Variants in DCC observed in about 807,000 individuals in gnomAD.
DCC encodes the protein DCC netrin 1 receptor, also known as netrin receptor DCC.
In DCC, 58 loss-of-function variants were observed where a neutral mutation model predicts 172.5. The observed-to-expected ratio is 0.34, with a 90% CI of 0.27 to 0.42. The LOEUF is 0.42. DCC is among the 10% of genes least tolerant of loss of function. The pLI is 1.00. For missense variants in DCC, 1,740 were observed against 1,791.0 expected, an observed-to-expected ratio of 0.97 and a Z score of 0.51; for synonymous variants, 709 against 644.5, an observed-to-expected ratio of 1.10 and a Z score of -1.52.
In DCC at chr18:52,770,107, T is replaced by G. The variant is rs140792254; in HGVS notation, c.412+17733T>G. 2.6e-3 allele frequency among the ~76,000 whole-genome samples: 392 copies of G among 152,356 alleles called. 1 individual carries two copies. The highest frequency in any genetic ancestry group is 0.014 in the Middle Eastern group (4 of 294). On this transcript the variant is annotated intron_variant, in intron 2 of 28. Coordinates refer to ENST00000442544, the MANE Select transcript of DCC (RefSeq NM_005215.4). ...TTTAGGATCAAATATAAACCTTTAG[T>G]GAAATATAAAGCCCTGTGGAATCTG...
At chr18:52,919,976 C>T (rs1005605163) in intron 3 of DCC, among the ~76,000 whole-genome samples, 3 of 146,024 alleles carry the variant, frequency 2.1e-5, no homozygotes, top group Non-Finnish European at 3.0e-5. Context: ...AGAAAAAAAT[C>T]GCCTTTTCAA....
In DCC at chr18:53,390,785, T is replaced by C. The variant is rs533388988; in HGVS notation, c.2456-870T>C. 2.7e-4 allele frequency among the ~76,000 whole-genome samples: 41 copies of C among 152,290 alleles called. No individual in the cohort carries two copies. In the Middle Eastern group the frequency reaches 0.01, roughly 38 times the overall value. On this transcript the variant is annotated intron_variant, in intron 16 of 28. Transcript: ENST00000442544. ...TATATTATGGATCAAAGCATGTATA[T>C]ACCTCAGTGCAAATCTCATAAGTCT...
chr18:52,860,912 A>AG (rs2039131874), intron 2 of DCC, among the ~76,000 whole-genome samples: 1 of 151,570 alleles, frequency 6.6e-6, no homozygotes, highest in African/African-American at 2.4e-5. Context: ...AGGCCGAGGC[A>AG]GGAGATATAC....
chr18:52,983,537 T>C (rs1462338902), intron 5 of DCC, among the ~76,000 whole-genome samples: 2 of 152,086 alleles, frequency 1.3e-5, no homozygotes, highest in African/African-American at 2.4e-5. Context: ...GAGAAGAGGG[T>C]CAGTTCCCTA....
chr18:52,606,327 A>T (rs969807690), intron 1 of DCC, among the ~76,000 whole-genome samples: 4 of 152,122 alleles, frequency 2.6e-5, no homozygotes, highest in Non-Finnish European at 5.9e-5. Flanking sequence ...AAACAACAAA[A>T]AACACCATAA....
intron 1 of DCC, among the ~76,000 whole-genome samples, chr18:52,366,821 C>G (rs969934223): frequency 2.0e-5 from 3 of 152,266 alleles, no homozygotes; most frequent in African/African-American, 7.2e-5. Context: ...CCACCAGACT[C>G]AGGAGCCCAG....
chr18:53,393,545 A>G (rs377055923), intron 17 of DCC, among the ~76,000 whole-genome samples: 102 of 152,338 alleles, frequency 6.7e-4, no homozygotes, highest in African/African-American at 2.3e-3. Flanking sequence ...GTCTCTTTTT[A>G]TATAGATTAC....
chr18:52,888,744 T>G (rs1305544047), intron 2 of DCC, among the ~76,000 whole-genome samples: 1 of 152,022 alleles, frequency 6.6e-6, no homozygotes, highest in South Asian at 2.1e-4. Flanking sequence ...AATTCACCAC[T>G]GGTTTTAATA....
At chr18:52,787,412 G>T (rs1568103276) in intron 2 of DCC, among the ~76,000 whole-genome samples, 1 of 151,544 alleles carries the variant, frequency 6.6e-6, no homozygotes. Flanking sequence ...AGTTTCCAGG[G>T]TAGTTAGTTA....
At chr18:52,750,114 G>A (rs62081898) in intron 1 of DCC, among the ~76,000 whole-genome samples, 2 of 152,058 alleles carry the variant, frequency 1.3e-5, no homozygotes, top group African/African-American at 2.4e-5. Context: ...CTTAGAGCAG[G>A]GTTCATTTGA....
At chr18:52,344,182 A>G (rs1047939807) in intron 1 of DCC, among the ~76,000 whole-genome samples, 3 of 152,226 alleles carry the variant, frequency 2.0e-5, no homozygotes, top group African/African-American at 4.8e-5. Context: ...ACCTCTTAGC[A>G]AACTTCCTTA....
At chr18:53,514,232 A>C (rs560003697) in intron 27 of DCC, among the ~76,000 whole-genome samples, 20 of 152,262 alleles carry the variant, frequency 1.3e-4, no homozygotes, top group African/African-American at 4.8e-4. Context: ...AGGCAGAAAT[A>C]AAGATGTTCT....
intron 12 of DCC, among the ~76,000 whole-genome samples, chr18:53,300,513 G>A (rs914448311): frequency 1.3e-5 from 2 of 152,104 alleles, no homozygotes; most frequent in Non-Finnish European, 2.9e-5. Flanking sequence ...GCTGCGATCT[G>A]CCTTATTTCT....
chr18:53,167,859 C>A (rs896628272), intron 8 of DCC, among the ~76,000 whole-genome samples: 18 of 152,132 alleles, frequency 1.2e-4, no homozygotes, highest in African/African-American at 3.6e-4. Flanking sequence ...TACGAAGTTT[C>A]AGCTAAACAT....
intron 15 of DCC, among the ~76,000 whole-genome samples, chr18:53,356,058 C>G (rs1367035192): frequency 6.6e-6 from 1 of 151,790 alleles, no homozygotes; most frequent in Non-Finnish European, 1.5e-5. Context: ...ATTTTATTCA[C>G]TTATTTATTT....
intron 1 of DCC, among the ~76,000 whole-genome samples, chr18:52,647,063 A>G (rs1255086801): frequency 2.0e-5 from 3 of 152,220 alleles, no homozygotes; most frequent in Admixed American, 6.5e-5. Flanking sequence ...GCCAAGAACC[A>G]GGGACAAAGC....
intron 15 of DCC, among the ~76,000 whole-genome samples, chr18:53,381,416 G>C (rs1907721862): frequency 6.6e-6 from 1 of 151,990 alleles, no homozygotes; most frequent in Admixed American, 6.6e-5. Flanking sequence ...AGCTACAGCT[G>C]TTAACCCTGA....
intron 11 of DCC, among the ~76,000 whole-genome samples, chr18:53,212,119 T>C (rs112149665): frequency 2.0e-5 from 3 of 152,062 alleles, no homozygotes; most frequent in African/African-American, 7.2e-5. Context: ...AGGGGAGGAA[T>C]TCAAGTGCCT....
chr18:52,532,756 C>T (rs1485870005), intron 1 of DCC, among the ~76,000 whole-genome samples: 1 of 152,002 alleles, frequency 6.6e-6, no homozygotes, highest in Non-Finnish European at 1.5e-5. Flanking sequence ...TGAGGGCCAC[C>T]TTCCCAAACC....
Sources: gnomAD v4.1 joint callset for allele counts (sites outside exome capture counted in the v4.1 genomes callset) on GRCh38, gnomAD v4.1.1 for gene constraint, MANE v1.5 for transcripts, NCBI Gene and HGNC (gene_info 2026-07-23, HGNC 2026-07-21) for gene names.